Variants in LARGE1 observed in about 807,000 individuals in gnomAD.
The protein encoded by LARGE1 is xylosyl- and glucuronyltransferase LARGE1.
Under a neutral mutation model 87.6 loss-of-function variants are expected in LARGE1, and 43 were observed. The observed-to-expected ratio is 0.49, with a 90% CI of 0.38 to 0.63. The LOEUF is 0.63. Ranked by LOEUF, LARGE1 falls within the 30% of genes least tolerant of loss-of-function variation. LARGE1 has a pLI of 0.00. For synonymous variants in LARGE1, 434 were observed against 394.6 expected (o/e 1.10, Z -1.18); for missense variants, 802 against 1,000.2 (o/e 0.80, Z 2.67).
At chr22:33,117,424 C>G in the LARGE1 span, among the ~76,000 whole-genome samples, 1 of 126,128 alleles carries the variant, frequency 7.9e-6, no homozygotes, top group East Asian at 2.2e-4. Context: ...GCACTTCTCT[C>G]ACATTATTAA....
intron 6 of LARGE1, among the ~76,000 whole-genome samples, chr22:33,534,201 G>A (rs2076977229): frequency 6.6e-6 from 1 of 151,930 alleles, no homozygotes; most frequent in Non-Finnish European, 1.5e-5. Context: ...TCAGGAGATC[G>A]AGACCATCCT....
At chr22:33,211,539 G>C (rs376298435) in intron 11 of LARGE1, among the ~76,000 whole-genome samples, 1 of 152,212 alleles carries the variant, frequency 6.6e-6, no homozygotes, top group African/African-American at 2.4e-5. Context: ...TTGGGAGGCC[G>C]AGGCGATGGA....
chr22:33,722,251 A>AGAAGGAGAGGGAGAG (rs1569404412), intron 2 of LARGE1, among the ~76,000 whole-genome samples: 1 of 46,466 alleles, frequency 2.2e-5, no homozygotes, highest in African/African-American at 6.5e-5. Flanking sequence ...GAAGGGAGGA[A>AGAAGGAGAGGGAGAG]GAGGGAGAGG....
Position 33,483,721 on chromosome 22 carries a change from T to G in LARGE1, c.788-51456A>C, listed in dbSNP as rs528721553. Among the ~76,000 whole-genome samples, 8 of 152,282 alleles carry G rather than the reference T, an allele frequency of 5.3e-5. 1 individual carries two copies. In the South Asian group the frequency reaches 1.7e-3, roughly 32 times the overall value. On this transcript the variant is annotated intron_variant, in intron 6 of 14. Transcript: ENST00000397394. ...AGATCCTGCCTCGTTAAAGGACGAT[T>G]AAATTATCTTCACTCTGTTAAACTG...
intron 4 of LARGE1, among the ~76,000 whole-genome samples, chr22:33,623,716 A>C (rs533667164): frequency 1.1e-3 from 173 of 152,136 alleles, no homozygotes; most frequent in Middle Eastern, 3.4e-3. Flanking sequence ...AAAAAAAAAA[A>C]AAAAAAAAAC....
At chr22:33,522,836 GA>G (rs928190742) in intron 6 of LARGE1, among the ~76,000 whole-genome samples, 139 of 133,490 alleles carry the variant, frequency 1.0e-3, no homozygotes, top group Middle Eastern at 3.8e-3. Context: ...CTAAAAAAAA[GA>G]AAAAAAAAAA....
intron 2 of LARGE1, among the ~76,000 whole-genome samples, chr22:33,685,910 A>T (rs1198673978): frequency 1.3e-5 from 2 of 152,190 alleles, no homozygotes; most frequent in Admixed American, 1.3e-4. Context: ...TCACTGCACA[A>T]CCCCACCTGT....
At chr22:33,902,230 T>C (rs2065303241) in intron 1 of LARGE1, among the ~76,000 whole-genome samples, 1 of 152,076 alleles carries the variant, frequency 6.6e-6, no homozygotes, top group Admixed American at 6.6e-5. Context: ...ACGACAAGAC[T>C]CTCTCACACA....
At chr22:33,189,412 ATGG>A (rs1306527248) in intron 11 of LARGE1, among the ~76,000 whole-genome samples, 1 of 152,168 alleles carries the variant, frequency 6.6e-6, no homozygotes, top group Non-Finnish European at 1.5e-5. Flanking sequence ...CAGTTATCTG[ATGG>A]TGGAAAAATC....
intron 1 of LARGE1, among the ~76,000 whole-genome samples, chr22:33,807,440 C>A (rs1010927287): frequency 1.3e-5 from 2 of 152,162 alleles, no homozygotes; most frequent in Non-Finnish European, 2.9e-5. Flanking sequence ...ACCTCCTGCT[C>A]CCACCTATGC....
intron 9 of LARGE1, among the ~76,000 whole-genome samples, chr22:33,372,719 AT>A (rs1343170613): frequency 6.6e-6 from 1 of 152,236 alleles, no homozygotes; most frequent in Non-Finnish European, 1.5e-5. Context: ...CAGCCAAATC[AT>A]ATCACAAAGT....
At chr22:33,431,923 T>C (rs1169437520) in intron 7 of LARGE1, among the ~76,000 whole-genome samples, 6 of 152,054 alleles carry the variant, frequency 3.9e-5, no homozygotes, top group African/African-American at 1.2e-4. Context: ...GGATTAGAGG[T>C]CAGGAGAGGG....
intron 11 of LARGE1, among the ~76,000 whole-genome samples, chr22:33,229,915 T>C (rs1054320972): frequency 6.7e-6 from 1 of 149,234 alleles, no homozygotes; most frequent in Non-Finnish European, 1.5e-5. Flanking sequence ...TCCTACAAAA[T>C]AATTAGAATT....
At chr22:33,601,056 C>A (rs1400033881) in intron 5 of LARGE1, among the ~76,000 whole-genome samples, 1 of 152,068 alleles carries the variant, frequency 6.6e-6, no homozygotes, top group African/African-American at 2.4e-5. Context: ...GGCGACAGAG[C>A]AAGACTCTGT....
At chr22:33,499,549 C>T (rs2301404) in intron 6 of LARGE1, among the ~76,000 whole-genome samples, 44,053 of 151,940 alleles carry the variant, frequency 0.29, 6,787 homozygotes, top group African/African-American at 0.37. Context: ...CCCGAGGACA[C>T]GGATGAGAGA....
At chr22:33,284,176 A>G (rs1424657193) in intron 12 of LARGE1, among the ~76,000 whole-genome samples, 5 of 152,184 alleles carry the variant, frequency 3.3e-5, no homozygotes, top group Non-Finnish European at 7.3e-5. Flanking sequence ...CACAGGGGTT[A>G]CAGCCCAGCC....
intron 1 of LARGE1, among the ~76,000 whole-genome samples, chr22:33,855,191 C>G (rs543877713): frequency 6.6e-6 from 1 of 151,952 alleles, no homozygotes; most frequent in Admixed American, 6.6e-5. Flanking sequence ...AAAAATTAGC[C>G]GGGTGTGGTG....
chr22:33,755,760 T>C (rs1248683652), intron 2 of LARGE1, among the ~76,000 whole-genome samples: 1 of 152,178 alleles, frequency 6.6e-6, no homozygotes, highest in Non-Finnish European at 1.5e-5. Context: ...ACCACAGTCC[T>C]ACCCAGGGAA....
intron 6 of LARGE1, among the ~76,000 whole-genome samples, chr22:33,554,456 C>A (rs1443205992): frequency 1.3e-5 from 2 of 152,108 alleles, no homozygotes; most frequent in Admixed American, 6.5e-5. Context: ...CCTGAAGAGA[C>A]CCCTGGCCCC....
Sources: allele counts gnomAD v4.1 joint callset (sites outside exome capture counted in the v4.1 genomes callset), GRCh38; gene constraint gnomAD v4.1.1; transcripts MANE v1.5; gene names NCBI Gene and HGNC (gene_info 2026-07-23, HGNC 2026-07-21).